FAAH2: variants seen among roughly 807,000 people sequenced by gnomAD.
The protein encoded by FAAH2 is fatty acid amide hydrolase 2.
Under a neutral mutation model 36.9 loss-of-function variants are expected in FAAH2, and 60 were observed. That is an observed-to-expected ratio of 1.63 (90% CI 1.32 to 2.02). The LOEUF (loss-of-function observed/expected upper bound fraction) is 2.02. Ranked by LOEUF, FAAH2 falls within the 30% of genes most tolerant of loss-of-function variation. FAAH2 has a pLI of 0.00. For synonymous variants in FAAH2, 214 were observed against 143.8 expected (o/e 1.49, Z -3.49); for missense variants, 689 against 397.5 (o/e 1.73, Z -6.23).
the FAAH2 span, among the ~76,000 whole-genome samples, chrX:57,151,745 C>A: frequency 1.8e-5 from 2 of 111,161 alleles, no homozygotes; most frequent in African/African-American, 3.3e-5. Context: ...TCGTCTGAAG[C>A]CTTCTCTCAG....
intron 4 of FAAH2, among the ~76,000 whole-genome samples, chrX:57,334,032 G>C (rs769870833): frequency 9.0e-6 from 1 of 110,720 alleles, no homozygotes; most frequent in African/African-American, 3.3e-5. Flanking sequence ...CACTTTGGGA[G>C]GCCAAGGCAG....
intron 7 of FAAH2, among the ~76,000 whole-genome samples, chrX:57,425,383 T>A (rs1602620733): frequency 9.0e-6 from 1 of 111,111 alleles, no homozygotes; most frequent in African/African-American, 3.3e-5. Flanking sequence ...TCTGGAAAAA[T>A]TATTGCAAGA....
chrX:57,219,381 C>T, the FAAH2 span, among the ~76,000 whole-genome samples: 41 of 111,548 alleles, frequency 3.7e-4, 1 homozygote, highest in Non-Finnish European at 7.0e-4. Context: ...TGGACCTAGC[C>T]CTCCACCCCA....
In FAAH2 at chrX:57,482,679, G is replaced by C. The variant is rs530920278; in HGVS notation, c.1424-6078G>C. Among the ~76,000 whole-genome samples, 9 of 100,797 alleles carry C rather than the reference G, an allele frequency of 8.9e-5. No homozygotes were observed. The South Asian group carries it at 3.9e-3, about 43-fold the overall frequency. 87.5% of individuals were successfully genotyped at this position (100,797 alleles called of 115,157 possible). A position where few individuals can be genotyped will look rare whatever the true frequency, so the allele number is the denominator to read the frequency against. On this transcript the variant is annotated intron_variant, in intron 10 of 10. Coordinates refer to ENST00000374900, the MANE Select transcript of FAAH2 (RefSeq NM_174912.4). The stretch of plus-strand genomic sequence containing the variant: ...TGGGAGCTGCAGACCAGATCTGCTT[G>C]TATTCGGCCATCTTGGCTTCATTCC...
chrX:57,292,763 G>A, intron 2 of FAAH2, among the ~76,000 whole-genome samples, 183 bp downstream of exon 2: 1 of 111,392 alleles, frequency 9.0e-6, no homozygotes, highest in East Asian at 2.8e-4. Context: ...ATGATTATTT[G>A]TCTGCATCCT....
chrX:57,352,863 A>G, intron 5 of FAAH2, among the ~76,000 whole-genome samples: 1 of 111,032 alleles, frequency 9.0e-6, no homozygotes. Flanking sequence ...ATAGTTACAA[A>G]AACAAACAAA....
the FAAH2 span, among the ~76,000 whole-genome samples, chrX:57,267,204 T>A: frequency 3.6e-5 from 4 of 112,434 alleles, no homozygotes; most frequent in Non-Finnish European, 5.6e-5. Flanking sequence ...AATCCCCAAG[T>A]CGTTTTTCTG....
At chrX:57,241,447 GAA>G in the FAAH2 span, among the ~76,000 whole-genome samples, 82 of 108,866 alleles carry the variant, frequency 7.5e-4, no homozygotes, top group South Asian at 7.7e-3. Context: ...AAAACTACAA[GAA>G]AAAAAAACAG....
At chrX:57,462,610 G>T (rs928861663) in intron 10 of FAAH2, among the ~76,000 whole-genome samples, 1 of 111,825 alleles carries the variant, frequency 8.9e-6, no homozygotes, top group Non-Finnish European at 1.9e-5. Flanking sequence ...ATTAAACACC[G>T]CTTCATTCTA....
At chrX:57,208,000 A>G in the FAAH2 span, among the ~76,000 whole-genome samples, 1 of 112,750 alleles carries the variant, frequency 8.9e-6, no homozygotes, top group Non-Finnish European at 1.9e-5. Context: ...AAATGTAGCT[A>G]TAATATTTCC....
chrX:57,306,712 GTGTGTGTGTGTGTGTGTGTA>G, intron 2 of FAAH2, among the ~76,000 whole-genome samples: 1 of 71,486 alleles, frequency 1.4e-5, no homozygotes, highest in African/African-American at 6.5e-5. Context: ...GTGTGTGTGT[GTGTGTGTGTGTGTGTGTGTA>G]TATATATACA....
chrX:57,168,030 A>G, the FAAH2 span, among the ~76,000 whole-genome samples: 2 of 112,065 alleles, frequency 1.8e-5, no homozygotes, highest in African/African-American at 3.2e-5. Context: ...CTATGAATTG[A>G]CAGAAATATA....
At chrX:57,240,308 C>A in the FAAH2 span, among the ~76,000 whole-genome samples, 14 of 111,539 alleles carry the variant, frequency 1.3e-4, no homozygotes, top group Non-Finnish European at 2.3e-4. Context: ...TTCAGCTCTG[C>A]ACTACTGGGC....
intron 7 of FAAH2, among the ~76,000 whole-genome samples, chrX:57,411,705 CAACTTTA>C (rs776986384): frequency 9.0e-6 from 1 of 111,291 alleles, no homozygotes; most frequent in African/African-American, 3.3e-5. Flanking sequence ...GCTGTGTCTC[CAACTTTA>C]ATTTGTGGGA....
the FAAH2 span, among the ~76,000 whole-genome samples, chrX:57,243,606 A>G: frequency 8.9e-6 from 1 of 112,130 alleles, no homozygotes; most frequent in South Asian, 3.7e-4. Context: ...TCAGGCAAAC[A>G]TGGTCTGGAG....
At position 57,378,842 on chromosome X, in the gene FAAH2, T is replaced by G. The variant is rs2054758879; in HGVS notation, c.878+56T>G. 3 of 1,143,652 alleles carry G rather than the reference T, an allele frequency of 2.6e-6. No individual in the cohort carries two copies. The East Asian group carries it at 9.8e-5, about 37-fold the overall frequency. 94.2% of individuals were successfully genotyped at this position (1,143,652 alleles called of 1,213,427 possible). A position where few individuals can be genotyped will look rare whatever the true frequency, so the allele number is the denominator to read the frequency against. ...TCTTATCCTGACATTCATTCTCTCTTTGTTTATTAGTGTCATAGAGGTAGA... is the reference window on the plus strand; with the variant it reads ...TCTTATCCTGACATTCATTCTCTCTGTGTTTATTAGTGTCATAGAGGTAGA... On this transcript the variant is annotated intron_variant, in intron 6 of 10. Coordinates refer to ENST00000374900, the MANE Select transcript of FAAH2 (RefSeq NM_174912.4).
chrX:57,376,634 T>A (rs1272863364), intron 5 of FAAH2, among the ~76,000 whole-genome samples: 1 of 111,967 alleles, frequency 8.9e-6, no homozygotes, highest in African/African-American at 3.2e-5. Context: ...TGTGTCTTTA[T>A]AGTAGAATGC....
chrX:57,381,136 T>C lies in FAAH2; in HGVS notation c.996+107T>C, dbSNP rs757615258. ...AATATTTCTGTGTCAGCATACGGAATTAAGGTTTTCAGAACAGTTATACTA... is the reference window on the plus strand; with the variant it reads ...AATATTTCTGTGTCAGCATACGGAACTAAGGTTTTCAGAACAGTTATACTA... On this transcript the variant is annotated intron_variant, in intron 7 of 10. Coordinates refer to ENST00000374900, the MANE Select transcript of FAAH2 (RefSeq NM_174912.4). 1.2e-3 allele frequency: 660 copies of C among 565,232 alleles called. 3 individuals carry two copies. The highest frequency in any genetic ancestry group is 5.1e-3 in the Middle Eastern group (13 of 2,553). The allele number at this position is 565,232 out of a possible 1,213,427, so 46.6% of individuals were successfully genotyped here.
At chrX:57,181,653 C>T in the FAAH2 span, among the ~76,000 whole-genome samples, 4 of 111,333 alleles carry the variant, frequency 3.6e-5, no homozygotes, top group Non-Finnish European at 7.6e-5. Context: ...GGCTATTTGG[C>T]CCAAATTCAT....
Sources: allele counts gnomAD v4.1 joint callset (sites outside exome capture counted in the v4.1 genomes callset), GRCh38; gene constraint gnomAD v4.1.1; transcripts MANE v1.5; gene names NCBI Gene and HGNC (gene_info 2026-07-23, HGNC 2026-07-21).